CUL7: variants seen among roughly 807,000 people sequenced by gnomAD.
The protein encoded by CUL7 is cullin-7.
In CUL7, 96 loss-of-function variants were observed where a neutral mutation model predicts 177.7. That is an observed-to-expected ratio of 0.54 (90% CI 0.46 to 0.64). CUL7 has a LOEUF of 0.64. CUL7 is among the 30% of genes least tolerant of loss of function. The probability of loss-of-function intolerance (pLI) is 0.00; values close to 1 mark genes in which losing one functional copy is unlikely to be tolerated. For synonymous variants in CUL7, 824 were observed against 890.2 expected, an observed-to-expected ratio of 0.93 and a Z score of 1.32; for missense variants, 1,893 against 2,187.9, an observed-to-expected ratio of 0.87 and a Z score of 2.69.
In CUL7 at chr6:43,050,910, AG is replaced by A; in HGVS notation, c.1233+57del. 6.2e-7 allele frequency: 1 copy of A among 1,603,156 alleles called. No individual in the cohort carries two copies. Among genetic ancestry groups the A allele is most frequent in the South Asian group, 1.1e-5 (1 of 90,880 alleles). ...TGGAGCCCCCCCATATAGAAGTCCC[AG>A]CTCTGCCCTACCCCAAATAGACCCC... On this transcript the variant is annotated intron_variant, in intron 4 of 25. Coordinates refer to ENST00000265348, the MANE Select transcript of CUL7 (RefSeq NM_014780.5). This position sits in a 1 kb window ranked among gnomAD's most constrained non-coding sequence, Gnocchi z 4.1.
At position 43,045,832 on chromosome 6, in the gene CUL7, G is replaced by T. The variant is rs1763854450; in HGVS notation, c.2767-150C>A. The T allele has an allele frequency of 9.3e-7, 1 of 1,078,948 alleles. No homozygotes were observed. The highest frequency in any genetic ancestry group is 1.4e-6 in the Non-Finnish European group (1 of 714,456). 66.8% of individuals were successfully genotyped at this position (1,078,948 alleles called of 1,614,324 possible). ...GTCCTCATGCCACCCTCATTGTTCA[G>T]GGCCTGGTGGCACAAGCACAGGGAT... On this transcript the variant is annotated intron_variant, in intron 13 of 25. Coordinates refer to ENST00000265348, the MANE Select transcript of CUL7 (RefSeq NM_014780.5). The surrounding 1 kb of genome is among the most constrained non-coding windows in gnomAD (Gnocchi z 4.8).
chr6:43,044,879 G>A lies in CUL7; in HGVS notation c.3045C>T (p.Asn1015=), dbSNP rs377590593. 23 of 1,613,444 alleles carry A rather than the reference G, an allele frequency of 1.4e-5. No homozygotes were observed. The highest frequency in any genetic ancestry group is 6.6e-5 in the South Asian group (6 of 91,034). The change falls in exon 16 of 26, where the codon AAC becomes AAT. Residue 1015 remains asparagine (N), a synonymous_variant. Transcript: ENST00000265348. ...RSLLHLSSRL[N]GALRQEQNFA... The stretch of plus-strand genomic sequence containing the variant: ...AATTCTGCTCCTGGCGCAGAGCACC[G>A]TTGAGTCTGGGGGTGAGAATGGAGG...
At chr6:43,038,762 G>A in intron 23 of CUL7, 70 bp from the exon 24 acceptor site, 2 of 1,612,308 alleles carry the variant, frequency 1.2e-6, no homozygotes, top group Non-Finnish European at 1.7e-6. Context: ...GAGGGAAGAA[G>A]CAGAGGGAGT....
chr6:43,041,968 C>T lies in CUL7; in HGVS notation c.3645+834G>A, dbSNP rs1348405472. Among the ~76,000 whole-genome samples, 3 of 135,752 alleles carry T rather than the reference C, an allele frequency of 2.2e-5. No individual in the cohort carries two copies. In the East Asian group the frequency reaches 6.7e-4, roughly 30 times the overall value. 89.1% of individuals were successfully genotyped at this position (135,752 alleles called of 152,430 possible). A position where few individuals can be genotyped will look rare whatever the true frequency, so the allele number is the denominator to read the frequency against. The stretch of plus-strand genomic sequence containing the variant: ...GTGGTGAGCTGAGATCGAGCCACTG[C>T]ACTCCAGCCTGGGCAACAGAGCGAG... On this transcript the variant is annotated intron_variant, in intron 19 of 25. Transcript: ENST00000265348.
chr6:43,038,204 C>T, intron 25 of CUL7, 63 bp downstream of exon 25: 1 of 1,581,022 alleles, frequency 6.3e-7, no homozygotes, highest in South Asian at 1.1e-5. Context: ...CCCACCTTGT[C>T]CTGTAGACTG....
intron 15 of CUL7, 108 bp from the exon 16 acceptor site, chr6:43,044,993 C>T: frequency 1.3e-6 from 2 of 1,508,800 alleles, no homozygotes. Flanking sequence ...AAACCGAAGG[C>T]CCCCTGGTAC....
intron 6 of CUL7, 65 bp from the exon 7 acceptor site, chr6:43,049,727 T>A: frequency 6.3e-7 from 1 of 1,597,838 alleles, no homozygotes; most frequent in African/African-American, 1.3e-5. Flanking sequence ...AGGGAGCACT[T>A]GGTAGGGGTG....
rs777102861 is a variant in CUL7, at chr6:43,038,593, G to A, written c.4540C>T (p.Leu1514Phe). The part of the protein sequence containing the change: ...PLTSSRGPLD[L>F]HEQKDIPGGV... Reference sequence around the variant, plus strand: ...CCTGGTATATCCTTTTGCTCGTGAAGGTCCAGGGGGCCTCTTGAAGAGGTG... The same window carrying A: ...CCTGGTATATCCTTTTGCTCGTGAAAGTCCAGGGGGCCTCTTGAAGAGGTG... Residue 1514 changes from leucine (L) to phenylalanine (F), a missense_variant, in exon 24 of 26, where the codon CTT becomes TTT. Around this residue, in one of 5 missense-constraint regions of CUL7, gnomAD observed 248 missense variants for 262.5 expected, o/e 0.94. Transcript: ENST00000265348. The A allele has an allele frequency of 6.2e-7, 1 of 1,614,118 alleles. No homozygotes were observed. Among genetic ancestry groups the A allele is most frequent in the Non-Finnish European group, 8.5e-7 (1 of 1,179,994 alleles).
In CUL7 at chr6:43,040,882, C is replaced by A. The variant is rs747685414; in HGVS notation, c.3806+33G>T. The A allele has an allele frequency of 3.7e-6, 6 of 1,610,628 alleles. No individual in the cohort carries two copies. The African/African-American group carries it at 6.7e-5, about 18-fold the overall frequency. On this transcript the variant is annotated intron_variant, in intron 20 of 25. Coordinates refer to ENST00000265348, the MANE Select transcript of CUL7 (RefSeq NM_014780.5). This position sits in a 1 kb window ranked among gnomAD's most constrained non-coding sequence, Gnocchi z 4.2. Reference sequence around the variant, plus strand: ...GGCTCTGCCACCATCATCCTGCCTCCCGCCAGCTCCCGCTCCTTAGGTCCA... The same window carrying A: ...GGCTCTGCCACCATCATCCTGCCTCACGCCAGCTCCCGCTCCTTAGGTCCA...
At position 43,045,114 on chromosome 6, in the gene CUL7, C is replaced by A; in HGVS notation, c.3038+113G>T. 2 of 1,423,306 alleles carry A rather than the reference C, an allele frequency of 1.4e-6. No individual in the cohort carries two copies. The highest frequency in any genetic ancestry group is 1.4e-5 in the African/African-American group (1 of 70,670). 88.2% of individuals were successfully genotyped at this position (1,423,306 alleles called of 1,614,324 possible). A position where few individuals can be genotyped will look rare whatever the true frequency, so the allele number is the denominator to read the frequency against. The stretch of plus-strand genomic sequence containing the variant: ...CAGCTCAGAAAACTCCAGCCCCCTC[C>A]CCACGCATATTAAACCTCCATCTCA... On this transcript the variant is annotated intron_variant, in intron 15 of 25. Coordinates refer to ENST00000265348, the MANE Select transcript of CUL7 (RefSeq NM_014780.5). The surrounding 1 kb of genome is among the most constrained non-coding windows in gnomAD (Gnocchi z 4.8).
In CUL7 at chr6:43,040,562, G is replaced by C. The variant is rs1218797134; in HGVS notation, c.3991C>G (p.Leu1331Val). Residue 1331 changes from leucine (L) to valine (V), a missense_variant, in exon 21 of 26, where the codon CTG becomes GTG. By Grantham distance (32) the Leu-to-Val change is conservative (BLOSUM62 1). This residue lies in a region of CUL7 where 973 missense variants were observed against 1,140.9 expected (regional missense o/e 0.85). Transcript: ENST00000265348. The surrounding 1 kb of genome is among the most constrained non-coding windows in gnomAD (Gnocchi z 4.2). ...YQLQQLDQELLKLEDTEKKIQ... is the reference protein window; with the variant it reads ...YQLQQLDQELVKLEDTEKKIQ... ...TTCTTCTCTGTATCCTCCAGCTTCA[G>C]GAGTTCCTGATCCAGCTGCTGGAGC... 34 of 1,614,062 alleles carry C rather than the reference G, an allele frequency of 2.1e-5. No individual in the cohort carries two copies. The highest frequency in any genetic ancestry group is 2.4e-5 in the Non-Finnish European group (28 of 1,180,034).
In CUL7 at chr6:43,038,302, C is replaced by G. The variant is rs1219746986; in HGVS notation, c.4738G>C (p.Asp1580His). 2.5e-6 allele frequency: 4 copies of G among 1,614,082 alleles called. No individual in the cohort carries two copies. Among genetic ancestry groups the G allele is most frequent in the Non-Finnish European group, 2.5e-6 (3 of 1,180,048 alleles). Residue 1580 changes from aspartate to histidine, a missense_variant, in exon 25 of 26, where the codon GAT becomes CAT. Physicochemically the swap from Asp to His is moderately conservative, Grantham distance 81. Transcript: ENST00000265348. ...AGCTGGTCAATGTGCAGCCCCTCAT[C>G]TCCATGGGCCTTGAGGATTCGGACG... ...LIVRILKAHGDEGLHIDQLVC... is the reference protein window; with the variant it reads ...LIVRILKAHGHEGLHIDQLVC...
intron 22 of CUL7, 35 bp from the exon 23 acceptor site, chr6:43,039,022 G>A (rs948407924): frequency 2.0e-6 from 3 of 1,484,054 alleles, no homozygotes; most frequent in African/African-American, 2.8e-5. Context: ...CAAAGAGCAG[G>A]TGAAAGGAGG....
At chr6:43,041,660 G>A (rs573498531) in intron 19 of CUL7, among the ~76,000 whole-genome samples, 36 of 151,276 alleles carry the variant, frequency 2.4e-4, no homozygotes, top group Admixed American at 6.0e-4. Context: ...GAGGAAAAGA[G>A]GGGAGGGAAG....
At chr6:43,041,743 T>G (rs1204630121) in intron 19 of CUL7, among the ~76,000 whole-genome samples, 1 of 151,018 alleles carries the variant, frequency 6.6e-6, no homozygotes, top group Non-Finnish European at 1.5e-5. Context: ...AGGTGGCTCA[T>G]GCCTGTAATC....
rs1404907727 is a variant in CUL7, at chr6:43,045,047, C to A, written c.3039-162G>T. Among the ~76,000 whole-genome samples, 5 of 152,152 alleles carry A rather than the reference C, an allele frequency of 3.3e-5. No homozygotes were observed. The highest frequency in any genetic ancestry group is 7.4e-5 in the Non-Finnish European group (5 of 68,024). ...TAACTGGTATATCCCATTCCCAGCC[C>A]ACTGGAGAAATCTTTTCTCTTTATC... On this transcript the variant is annotated intron_variant, in intron 15 of 25. Transcript: ENST00000265348. The surrounding 1 kb of genome is among the most constrained non-coding windows in gnomAD (Gnocchi z 4.8).
At chr6:43,041,617 G>A (rs1469840665) in intron 19 of CUL7, among the ~76,000 whole-genome samples, 1 of 148,442 alleles carries the variant, frequency 6.7e-6, no homozygotes, top group Admixed American at 6.8e-5. Flanking sequence ...AGTAAAGAAA[G>A]AGAAAGAAAG....
chr6:43,047,657 C>G (rs1764030049), intron 9 of CUL7, among the ~76,000 whole-genome samples: 1 of 152,192 alleles, frequency 6.6e-6, no homozygotes, highest in Admixed American at 6.5e-5. Context: ...GTAGCTCTTG[C>G]AGGGGACTCT....
rs771098380 is a variant in CUL7, at chr6:43,049,953, C to T, written c.1569+10G>A. ...CCTCCAACCTCTGAGTGTCTCCAGG[C>T]TGGCTCTACCTCCCCATCTAGGTTC... On this transcript the variant is annotated intron_variant, in intron 6 of 25. Coordinates refer to ENST00000265348, the MANE Select transcript of CUL7 (RefSeq NM_014780.5). 9 of 1,612,496 alleles carry T rather than the reference C, an allele frequency of 5.6e-6. No homozygotes were observed. In the Admixed American group the frequency reaches 1.5e-4, roughly 27 times the overall value.
Sources: gnomAD v4.1 joint callset for allele counts (sites outside exome capture counted in the v4.1 genomes callset) on GRCh38, gnomAD v4.1.1 for gene constraint, gnomAD v4.1.1 regional missense constraint, Gnocchi (gnomAD v3.1) non-coding constraint, MANE v1.5 for transcripts, NCBI Gene and HGNC (gene_info 2026-07-23, HGNC 2026-07-21) for gene names.